Variants in MROH2B observed in about 807,000 individuals in gnomAD.
The protein encoded by MROH2B is maestro heat-like repeat-containing protein family member 2B.
In MROH2B, 177 loss-of-function variants were observed where a neutral mutation model predicts 208.6. The ratio of observed to expected loss-of-function variants is 0.85; its 90% CI spans 0.75 to 0.96. The LOEUF is 0.96. MROH2B is among the 40% of genes least tolerant of loss of function. The pLI is 0.00. For synonymous variants in MROH2B, 728 were observed against 659.0 expected, an observed-to-expected ratio of 1.10 and a Z score of -1.60; for missense variants, 2,002 against 1,878.7, an observed-to-expected ratio of 1.07 and a Z score of -1.21.
At chr5:41,049,010 A>T in intron 15 of MROH2B, 91 bp downstream of exon 15, 1 of 1,236,918 alleles carries the variant, frequency 8.1e-7, no homozygotes, top group Non-Finnish European at 1.1e-6. Flanking sequence ...TGTTTGGAGT[A>T]TCTATGTAAT....
At position 41,004,421 on chromosome 5, in the gene MROH2B, C is replaced by T; in HGVS notation, c.4119G>A (p.Leu1373=). ...CESLKALKKI[L]ELLTDRDVSF... ...TCACGTCTCGGTCTGTCAGCAGCTC[C>T]AGGATTTTTTTTAGAGCCTTCAAGC... Residue 1373 remains leucine (L), a synonymous_variant, in exon 37 of 42, where the codon CTG becomes CTA. Coordinates refer to ENST00000399564, the MANE Select transcript of MROH2B (RefSeq NM_173489.5). 2.5e-6 allele frequency: 4 copies of T among 1,613,998 alleles called. No homozygotes were observed. The highest frequency in any genetic ancestry group is 3.4e-6 in the Non-Finnish European group (4 of 1,179,886).
chr5:41,000,200 G>A lies in MROH2B; in HGVS notation c.4482+20C>T, dbSNP rs777111197. ...CCCTTGTCCTGCCTTTTTTGGAGGC[G>A]GCATCTATTGGACACTCACCAGTTT... On this transcript the variant is annotated intron_variant, in intron 39 of 41. Transcript: ENST00000399564. 3.1e-5 allele frequency: 50 copies of A among 1,608,210 alleles called. No individual in the cohort carries two copies. The highest frequency in any genetic ancestry group is 3.9e-5 in the Non-Finnish European group (46 of 1,178,332).
At chr5:41,050,224 A>C (rs1190425790) in intron 13 of MROH2B, among the ~76,000 whole-genome samples, 2 of 152,320 alleles carry the variant, frequency 1.3e-5, no homozygotes, top group Admixed American at 1.3e-4. Flanking sequence ...CTCTTGCTTA[A>C]AATTTTCATT....
intron 29 of MROH2B, among the ~76,000 whole-genome samples, chr5:41,013,073 G>T (rs945095294): frequency 6.6e-6 from 1 of 152,188 alleles, no homozygotes; most frequent in Non-Finnish European, 1.5e-5. Flanking sequence ...ACATTATAAA[G>T]TCCTTTTACA....
rs779752867 is a variant in MROH2B at position 41,004,457 on chromosome 5, G to A, written c.4083C>T (p.Val1361=). 7 of 1,613,954 alleles carry A rather than the reference G, an allele frequency of 4.3e-6. No homozygotes were observed. The highest frequency in any genetic ancestry group is 5.9e-6 in the Non-Finnish European group (7 of 1,179,858). Residue 1361 remains valine (V), a synonymous_variant, in exon 37 of 42, where the codon GTC becomes GTT. Coordinates refer to ENST00000399564, the MANE Select transcript of MROH2B (RefSeq NM_173489.5). ...RGLYHLARTE[V]VCESLKALKK... ...TTAGAGCCTTCAAGCTTTCACAGACGACTTCAGTGCGAGCTAGGTGATACA... is the reference window on the plus strand; with the variant it reads ...TTAGAGCCTTCAAGCTTTCACAGACAACTTCAGTGCGAGCTAGGTGATACA...
chr5:41,007,979 C>T (rs1042123469), intron 33 of MROH2B, among the ~76,000 whole-genome samples: 2 of 152,150 alleles, frequency 1.3e-5, no homozygotes, highest in African/African-American at 4.8e-5. Flanking sequence ...TACGTGTTGA[C>T]TAAACGGTGT....
At chr5:41,022,784 A>G (rs1052041184) in intron 24 of MROH2B, among the ~76,000 whole-genome samples, 2 of 152,190 alleles carry the variant, frequency 1.3e-5, no homozygotes, top group Non-Finnish European at 2.9e-5. Context: ...CTAACTGGGA[A>G]GCACCCCCCA....
chr5:41,000,175 C>T (rs1320312514), intron 39 of MROH2B, 45 bp downstream of exon 39: 1 of 1,611,192 alleles, frequency 6.2e-7, no homozygotes, highest in Non-Finnish European at 8.5e-7. Flanking sequence ...TTTGTCTAGA[C>T]CCTTGTCCTG....
chr5:41,017,886 C>A lies in MROH2B; in HGVS notation c.2848G>T (p.Ala950Ser). The change falls in exon 28 of 42, where the codon GCT becomes TCT. Residue 950 changes from alanine to serine, a missense_variant. Coordinates refer to ENST00000399564, the MANE Select transcript of MROH2B (RefSeq NM_173489.5). ...CDTLPTIRQAAASSTIGLFYI... is the reference protein window; with the variant it reads ...CDTLPTIRQASASSTIGLFYI... ...AACAGACCAATAGTTGAGCTAGCAGCCGCCTGACGGATGGTGGGCAGGGTA... is the reference window on the plus strand; with the variant it reads ...AACAGACCAATAGTTGAGCTAGCAGACGCCTGACGGATGGTGGGCAGGGTA... The A allele has an allele frequency of 6.3e-7, 1 of 1,593,514 alleles. No individual in the cohort carries two copies. Among genetic ancestry groups the A allele is most frequent in the Admixed American group, 1.8e-5 (1 of 56,916 alleles).
rs776926232 is a variant in MROH2B, at chr5:41,004,417, G to A, written c.4123C>T (p.Leu1375=). ...SLKALKKILE[L]LTDRDVSFYF... ...AAGCTCACGTCTCGGTCTGTCAGCA[G>A]CTCCAGGATTTTTTTTAGAGCCTTC... Residue 1375 remains leucine (L), a synonymous_variant, in exon 37 of 42, where the codon CTG becomes TTG. Transcript: ENST00000399564. 10 of 1,613,862 alleles carry A rather than the reference G, an allele frequency of 6.2e-6. No individual in the cohort carries two copies. The African/African-American group carries it at 8.0e-5, about 13-fold the overall frequency.
At chr5:41,000,071 T>C in intron 39 of MROH2B, 149 bp downstream of exon 39, 2 of 1,051,546 alleles carry the variant, frequency 1.9e-6, no homozygotes, top group South Asian at 1.6e-5. Context: ...TCTATGTCAC[T>C]ATATCCTGTG....
chr5:41,062,699 C>T (rs1209664103), intron 5 of MROH2B, among the ~76,000 whole-genome samples: 1 of 152,142 alleles, frequency 6.6e-6, no homozygotes, highest in Non-Finnish European at 1.5e-5. Context: ...TCACAAAATA[C>T]CCTGGAAAGG....
intron 31 of MROH2B, 149 bp from the exon 32 acceptor site, chr5:41,009,555 GT>G: frequency 1.8e-6 from 2 of 1,121,084 alleles, no homozygotes; most frequent in Non-Finnish European, 2.5e-6. Context: ...TAAGAAAGAT[GT>G]TTTACATAAC....
At chr5:41,018,458 C>A (rs748575735) in intron 26 of MROH2B, 28 bp from the exon 27 acceptor site, 3 of 1,591,474 alleles carry the variant, frequency 1.9e-6, no homozygotes. Flanking sequence ...AATGTTCTTT[C>A]CTTAGTATTC....
At position 41,048,362 on chromosome 5, in the gene MROH2B, C is replaced by T; in HGVS notation, c.1646G>A (p.Trp549Ter). 1 of 1,613,598 alleles carries T rather than the reference C, an allele frequency of 6.2e-7. No homozygotes were observed. Among genetic ancestry groups the T allele is most frequent in the Non-Finnish European group, 8.5e-7 (1 of 1,179,674 alleles). The change falls in exon 16 of 42, where the codon TGG becomes TAG. Residue 549 changes from tryptophan (W) to a stop codon, truncating the protein, a stop_gained. Transcript: ENST00000399564. LOFTEE classifies it high-confidence loss of function. ...EIIHPKLVDL[W>*]KTRLPELLQP... ...CAGAAGCTCAGGTAAACGTGTTTTC[C>T]ATAGGTCTACCAATTTTGGGTGAAT...
chr5:41,022,033 A>G (rs1024975626), intron 24 of MROH2B, among the ~76,000 whole-genome samples: 2 of 152,210 alleles, frequency 1.3e-5, no homozygotes, highest in African/African-American at 4.8e-5. Flanking sequence ...TATTTAAGGT[A>G]TACAGCATGA....
chr5:41,013,120 C>A (rs1442671052), intron 29 of MROH2B, among the ~76,000 whole-genome samples: 1 of 152,138 alleles, frequency 6.6e-6, no homozygotes, highest in Non-Finnish European at 1.5e-5. Flanking sequence ...CTTGAATCTG[C>A]CACATAATAC....
intron 13 of MROH2B, 60 bp from the exon 14 acceptor site, chr5:41,049,496 T>A (rs2150175581): frequency 1.3e-6 from 2 of 1,534,918 alleles, no homozygotes; most frequent in Non-Finnish European, 1.7e-6. Context: ...TTCTCCCTGG[T>A]CCTCACTGCA....
In MROH2B at chr5:40,999,777, G is replaced by T; in HGVS notation, c.4485C>A (p.Ala1495=). 6.2e-7 allele frequency: 1 copy of T among 1,611,966 alleles called. No individual in the cohort carries two copies. Among genetic ancestry groups the T allele is most frequent in the Non-Finnish European group, 8.5e-7 (1 of 1,178,694 alleles). Residue 1495 remains alanine (A), a splice_region_variant and synonymous_variant, in exon 40 of 42, where the codon GCC becomes GCA. Coordinates refer to ENST00000399564, the MANE Select transcript of MROH2B (RefSeq NM_173489.5). ...DFYRQFCVKL[A]KKNQEILWIL... ...TCCACAGAATTTCCTGGTTTTTCTT[G>T]GCCTAGAAGAGATGTGAATTTCAAA...
Sources: allele counts gnomAD v4.1 joint callset (sites outside exome capture counted in the v4.1 genomes callset), GRCh38; gene constraint gnomAD v4.1.1; transcripts MANE v1.5; gene names NCBI Gene and HGNC (gene_info 2026-07-23, HGNC 2026-07-21).